Variants in RHCE observed in about 807,000 individuals in gnomAD.
RHCE encodes blood group Rh(CE) polypeptide.
In RHCE, 22 loss-of-function variants were observed where a neutral mutation model predicts 43.8. That is an observed-to-expected ratio of 0.50 (90% CI 0.36 to 0.72). The LOEUF (loss-of-function observed/expected upper bound fraction) is 0.72, where lower values mean the gene tolerates loss of function less well. Among genes scored for constraint, RHCE ranks in the 30% least tolerant of loss-of-function variants. The probability of loss-of-function intolerance (pLI) is 0.00; values close to 1 mark genes in which losing one functional copy is unlikely to be tolerated. For synonymous variants in RHCE, 156 were observed against 210.7 expected, an observed-to-expected ratio of 0.74 and a Z score of 2.25; for missense variants, 385 against 525.4, an observed-to-expected ratio of 0.73 and a Z score of 2.61.
intron 3 of RHCE, among the ~76,000 whole-genome samples, chr1:25,397,959 G>C (rs1361978013): frequency 1.4e-5 from 2 of 141,336 alleles, no homozygotes; most frequent in Non-Finnish European, 3.2e-5. Context: ...TAACAGCACT[G>C]CCGCAACACT....
At chr1:25,386,389 C>A (rs183341122) in intron 6 of RHCE, among the ~76,000 whole-genome samples, 1 of 152,198 alleles carries the variant, frequency 6.6e-6, no homozygotes, top group Non-Finnish European at 1.5e-5. Flanking sequence ...AAGCATGAGG[C>A]CACACCTCTA....
At chr1:25,383,969 C>A (rs1235106244) in intron 7 of RHCE, among the ~76,000 whole-genome samples, 1 of 152,138 alleles carries the variant, frequency 6.6e-6, no homozygotes, top group African/African-American at 2.4e-5. Flanking sequence ...CACTGATTGG[C>A]TTTTTCTTTT....
intron 3 of RHCE, chr1:25,399,045 C>G (rs2124462587): frequency 6.2e-7 from 1 of 1,600,322 alleles, no homozygotes; most frequent in African/African-American, 1.3e-5. Context: ...GGGCCTTGGA[C>G]AAGTTGTTAC....
chr1:25,406,250 C>T lies in RHCE; in HGVS notation c.335+2433G>A, dbSNP rs1416268915. ...GTATGCGGGCGTGCGTGCGTGCGTG[C>T]GTGTGTGTGTGTGTGTGTGTGTGTG... is the stretch of plus-strand genomic sequence containing the variant. On this transcript the variant is annotated intron_variant, in intron 2 of 9. Coordinates refer to ENST00000294413, the MANE Select transcript of RHCE (RefSeq NM_020485.8). Among the ~76,000 whole-genome samples, 79 of 117,124 alleles carry T rather than the reference C, an allele frequency of 6.7e-4. 5 individuals are homozygous for T. Among genetic ancestry groups the T allele is most frequent in the African/African-American group, 2.0e-3 (76 of 37,286 alleles). 76.8% of individuals were successfully genotyped at this position (117,124 alleles called of 152,430 possible). A position where few individuals can be genotyped will look rare whatever the true frequency, so the allele number is the denominator to read the frequency against.
intron 7 of RHCE, among the ~76,000 whole-genome samples, chr1:25,377,709 A>G (rs1276049244): frequency 2.0e-5 from 3 of 152,226 alleles, no homozygotes; most frequent in African/African-American, 7.2e-5. Context: ...CCTGGCCAAC[A>G]TGGCAAAACC....
rs1645421658 is a variant in RHCE, at chr1:25,362,299, A to C, written c.*228T>G. Reference sequence around the variant, plus strand: ...TGTGTCTGTAACCAAGAAAATATTGATAGCATCATCCTAATGAAACTAAAC... The same window carrying C: ...TGTGTCTGTAACCAAGAAAATATTGCTAGCATCATCCTAATGAAACTAAAC... On this transcript the variant is annotated 3_prime_UTR_variant, in exon 10 of 10. Transcript: ENST00000294413. The C allele has an allele frequency of 1.1e-6, 1 of 950,616 alleles. No homozygotes were observed. The highest frequency in any genetic ancestry group is 2.8e-5 in the Admixed American group (1 of 35,560). The allele number at this position is 950,616 out of a possible 1,614,324, so 58.9% of individuals were successfully genotyped here. A position where few individuals can be genotyped will look rare whatever the true frequency, so the allele number is the denominator to read the frequency against.
chr1:25,362,353 TTAAAC>T lies in RHCE; in HGVS notation c.*169_*173del, dbSNP rs1157178997. 11 of 1,440,408 alleles carry T rather than the reference TTAAAC, an allele frequency of 7.6e-6. No homozygotes were observed. Among genetic ancestry groups the T allele is most frequent in the Admixed American group, 4.4e-5 (2 of 45,716 alleles). The allele number at this position is 1,440,408 out of a possible 1,614,324, so 89.2% of individuals were successfully genotyped here. On this transcript the variant is annotated 3_prime_UTR_variant, in exon 10 of 10. Transcript: ENST00000294413. ...TATTTTAAACTTATTAAATTGACTCTTAAACTAAGTTTTTAGTCTTTAATTTTTTA... is the reference window on the plus strand; with the variant it reads ...TATTTTAAACTTATTAAATTGACTCTTAAGTTTTTAGTCTTTAATTTTTTA...
intron 1 of RHCE, among the ~76,000 whole-genome samples, chr1:25,414,162 C>A (rs1467362476): frequency 6.6e-6 from 1 of 151,390 alleles, no homozygotes; most frequent in Non-Finnish European, 1.5e-5. Flanking sequence ...ACTGCTCTCC[C>A]CCAGGCCTGT....
At chr1:25,371,537 A>AT (rs960391943) in intron 8 of RHCE, among the ~76,000 whole-genome samples, 5 of 150,988 alleles carry the variant, frequency 3.3e-5, no homozygotes, top group South Asian at 2.1e-4. Flanking sequence ...TACCCAGCTC[A>AT]TTTTTTTGTA....
Position 25,408,926 on chromosome 1 carries a change from G to A in RHCE, c.149-57C>T, listed in dbSNP as rs1646993916. On this transcript the variant is annotated intron_variant, in intron 1 of 9. Transcript: ENST00000294413. ...GGGGGAAGCAGACGAGATTTAGGGTGGTATGAAATTAGAGTCTTACTAAAT... is the reference window on the plus strand; with the variant it reads ...GGGGGAAGCAGACGAGATTTAGGGTAGTATGAAATTAGAGTCTTACTAAAT... 31 of 1,159,216 alleles carry A rather than the reference G, an allele frequency of 2.7e-5. 6 individuals are homozygous for A. Among genetic ancestry groups the A allele is most frequent in the Non-Finnish European group, 3.3e-5 (28 of 853,710 alleles). The allele number at this position is 1,159,216 out of a possible 1,614,324, so 71.8% of individuals were successfully genotyped here.
chr1:25,400,364 G>A (rs1646695543), intron 3 of RHCE, among the ~76,000 whole-genome samples: 1 of 151,892 alleles, frequency 6.6e-6, no homozygotes, highest in African/African-American at 2.4e-5. Context: ...TGACCTCTCA[G>A]CAGCATTCAG....
At chr1:25,421,726 A>G (rs546249562), upstream of RHCE, among the ~76,000 whole-genome samples, 33 of 152,340 alleles carry the variant, frequency 2.2e-4, 1 homozygote, top group South Asian at 6.6e-3. Context: ...GGTCTGGTAC[A>G]TGGTAAGTGT....
chr1:25,399,274 A>G, intron 3 of RHCE: 1 of 784,094 alleles, frequency 1.3e-6, no homozygotes, highest in Non-Finnish European at 2.3e-6. Flanking sequence ...TTAAGCTCAC[A>G]ATAAGGAAGA....
intron 7 of RHCE, among the ~76,000 whole-genome samples, chr1:25,380,408 T>G (rs1645957330): frequency 6.7e-6 from 1 of 149,916 alleles, no homozygotes; most frequent in African/African-American, 2.5e-5. Flanking sequence ...GTCTCATGCC[T>G]GCAGTTCTCC....
At chr1:25,417,860 A>C (rs996876918) in intron 1 of RHCE, among the ~76,000 whole-genome samples, 1 of 152,108 alleles carries the variant, frequency 6.6e-6, no homozygotes, top group African/African-American at 2.4e-5. Context: ...CTTGTGTCTC[A>C]AGCCATGCCC....
chr1:25,397,342 CA>C (rs1646580411), intron 3 of RHCE, among the ~76,000 whole-genome samples: 1 of 150,564 alleles, frequency 6.6e-6, no homozygotes, highest in South Asian at 2.1e-4. Context: ...ACTAAAAATA[CA>C]AAAGTAAGCC....
intron 1 of RHCE, among the ~76,000 whole-genome samples, chr1:25,429,221 G>GTTTTTTTTTTTTTT (rs386366538): frequency 8.9e-6 from 1 of 112,386 alleles, no homozygotes; most frequent in Non-Finnish European, 1.7e-5. Context: ...TTCCTGGGAA[G>GTTTTTTTTTTTTTT]TTTTTTTTTT....
chr1:25,415,482 G>A (rs1485556254), intron 1 of RHCE, among the ~76,000 whole-genome samples: 16 of 151,546 alleles, frequency 1.1e-4, no homozygotes, highest in East Asian at 5.8e-4. Context: ...GAGAAACCCC[G>A]TCTCTACTAA....
At chr1:25,395,287 T>G (rs1183919528) in intron 3 of RHCE, among the ~76,000 whole-genome samples, 1 of 148,690 alleles carries the variant, frequency 6.7e-6, no homozygotes, top group Non-Finnish European at 1.5e-5. Flanking sequence ...AAAAGAGTTG[T>G]TTTCTGCAGG....
Sources: gnomAD v4.1 joint callset for allele counts (sites outside exome capture counted in the v4.1 genomes callset) on GRCh38, gnomAD v4.1.1 for gene constraint, MANE v1.5 for transcripts, NCBI Gene and HGNC (gene_info 2026-07-23, HGNC 2026-07-21) for gene names.